Variants in ARHGEF1 observed in about 807,000 individuals in gnomAD.
ARHGEF1 encodes 115 kDa guanine nucleotide exchange factor.
Under a neutral mutation model 119.7 loss-of-function variants are expected in ARHGEF1, and 40 were observed. The ratio of observed to expected loss-of-function variants is 0.33; its 90% CI spans 0.26 to 0.44. The LOEUF is 0.44. ARHGEF1 is among the 20% of genes least tolerant of loss of function. The probability of loss-of-function intolerance (pLI) is 1.00; values close to 1 mark genes in which losing one functional copy is unlikely to be tolerated. For missense variants in ARHGEF1, 976 were observed against 1,268.3 expected (o/e 0.77, Z 3.50); for synonymous variants, 494 against 521.0 (o/e 0.95, Z 0.71).
At chr19:41,923,981 T>G (rs1599681157) in intron 1 of ARHGEF1, among the ~76,000 whole-genome samples, 1 of 38,750 alleles carries the variant, frequency 2.6e-5, no homozygotes. Flanking sequence ...AGGGGTGCGC[T>G]GGGAGGGGGC....
intron 18 of ARHGEF1, among the ~76,000 whole-genome samples, chr19:41,915,403 C>T (rs573621842): frequency 2.0e-4 from 30 of 151,840 alleles, no homozygotes; most frequent in Admixed American, 1.2e-3. Flanking sequence ...TGTCCCCGTC[C>T]GTCTGTCCGT....
chr19:41,902,311 G>C lies in ARHGEF1; in HGVS notation c.1452G>C (p.Glu484Asp). ...ATCGCCTGATGAAGCGGAGGCAGGA[G>C]AGTGGCTACCTCATCGAGGAGATCG... ...FLDRLMKRRQ[E>D]SGYLIEEIGD... The change falls in exon 16 of 29, where the codon GAG becomes GAC. Residue 484 changes from glutamate (E) to aspartate (D), a missense_variant. Transcript: ENST00000354532. This position sits in a 1 kb window ranked among gnomAD's most constrained non-coding sequence, Gnocchi z 6.5. 1 of 1,614,164 alleles carries C rather than the reference G, an allele frequency of 6.2e-7. No individual in the cohort carries two copies. The highest frequency in any genetic ancestry group is 8.5e-7 in the Non-Finnish European group (1 of 1,180,036).
intron 1 of ARHGEF1, among the ~76,000 whole-genome samples, chr19:41,887,422 C>T (rs1330436092): frequency 2.6e-5 from 4 of 152,068 alleles, no homozygotes; most frequent in African/African-American, 4.8e-5. Flanking sequence ...GTTTCTGGGA[C>T]TGGAAGCCTG....
In ARHGEF1 at chr19:41,905,538, T is replaced by C. The variant is rs188056873; in HGVS notation, c.2337-222T>C. 4.9e-6 allele frequency: 3 copies of C among 614,476 alleles called. No individual in the cohort carries two copies. In the Admixed American group the frequency reaches 8.8e-5, roughly 18 times the overall value. The allele number at this position is 614,476 out of a possible 1,614,324, so 38.1% of individuals were successfully genotyped here. On this transcript the variant is annotated intron_variant, in intron 24 of 28. Transcript: ENST00000354532. The surrounding 1 kb of genome is among the most constrained non-coding windows in gnomAD (Gnocchi z 6.4). ...GACAGCATGTGCATGCATGTGTGTG[T>C]GTGTGCGCATGTGCCGACCCCACCA...
Position 41,888,976 on chromosome 19 carries a change from G to C in ARHGEF1, c.225+111G>C, listed in dbSNP as rs1220291096. ...TGGAGGGTCTGGAAAAGCAGATCTA[G>C]AACACAGAGAGCCAGATCTAGAAAG... On this transcript the variant is annotated intron_variant, in intron 4 of 28. Transcript: ENST00000354532. This position sits in a 1 kb window ranked among gnomAD's most constrained non-coding sequence, Gnocchi z 5.1. 2 of 855,766 alleles carry C rather than the reference G, an allele frequency of 2.3e-6. No individual in the cohort carries two copies. The highest frequency in any genetic ancestry group is 3.6e-6 in the Non-Finnish European group (2 of 556,736). The allele number at this position is 855,766 out of a possible 1,614,324, so 53.0% of individuals were successfully genotyped here.
intron 18 of ARHGEF1, among the ~76,000 whole-genome samples, chr19:41,914,043 G>A (rs2074770968): frequency 7.5e-6 from 1 of 133,740 alleles, no homozygotes; most frequent in African/African-American, 2.9e-5. Context: ...CTCAGACCCT[G>A]GCAGCCCACA....
rs781915468 is a variant in ARHGEF1 at position 41,899,842 on chromosome 19, G to A, written c.1267+1255G>A. ...AAGCTTATTTACAGATTACTTCATAGTGAAAAAGATACTTATTCAAAAATT... is the reference window on the plus strand; with the variant it reads ...AAGCTTATTTACAGATTACTTCATAATGAAAAAGATACTTATTCAAAAATT... On this transcript the variant is annotated intron_variant, in intron 14 of 28. Transcript: ENST00000354532. Among the ~76,000 whole-genome samples the A allele has an allele frequency of 2.0e-5, 3 of 151,436 alleles. No homozygotes were observed. In the South Asian group the frequency reaches 6.3e-4, roughly 32 times the overall value.
chr19:41,888,161 T>C lies in ARHGEF1; in HGVS notation c.25-31T>C. ...CTCTGGGGCTGTGGGTGGAGAGTCC[T>C]GTGGACTGAAGCTGCCCTCCCTTTC... On this transcript the variant is annotated intron_variant, in intron 2 of 28. Coordinates refer to ENST00000354532, the MANE Select transcript of ARHGEF1 (RefSeq NM_004706.4). The surrounding 1 kb of genome is among the most constrained non-coding windows in gnomAD (Gnocchi z 5.1). 1 of 1,613,998 alleles carries C rather than the reference T, an allele frequency of 6.2e-7. No individual in the cohort carries two copies. The highest frequency in any genetic ancestry group is 8.5e-7 in the Non-Finnish European group (1 of 1,179,916).
chr19:41,903,869 C>T lies in ARHGEF1; in HGVS notation c.1917+85C>T, dbSNP rs2074646006. ...GATACAGCCCCCAGCCTGTCCTGCC[C>T]ATCCCATAATACACCCAGGAAGCGA... is the stretch of plus-strand genomic sequence containing the variant. On this transcript the variant is annotated intron_variant, in intron 20 of 28. Coordinates refer to ENST00000354532, the MANE Select transcript of ARHGEF1 (RefSeq NM_004706.4). This position sits in a 1 kb window ranked among gnomAD's most constrained non-coding sequence, Gnocchi z 4.2. The T allele has an allele frequency of 6.8e-7, 1 of 1,467,730 alleles. No homozygotes were observed. The highest frequency in any genetic ancestry group is 9.5e-7 in the Non-Finnish European group (1 of 1,052,460). The allele number at this position is 1,467,730 out of a possible 1,614,324, so 90.9% of individuals were successfully genotyped here. A position where few individuals can be genotyped will look rare whatever the true frequency, so the allele number is the denominator to read the frequency against.
chr19:41,907,242 G>C lies in ARHGEF1; in HGVS notation c.*155G>C, dbSNP rs1298013038. 6.6e-7 allele frequency: 1 copy of C among 1,521,276 alleles called. No homozygotes were observed. 94.2% of individuals were successfully genotyped at this position (1,521,276 alleles called of 1,614,324 possible). A position where few individuals can be genotyped will look rare whatever the true frequency, so the allele number is the denominator to read the frequency against. Reference sequence around the variant, plus strand: ...CACGCCTGGGAGGGGCCCAGCTGGGGTTACTGGCCCCGCATGAGCCTCGGC... The same window carrying C: ...CACGCCTGGGAGGGGCCCAGCTGGGCTTACTGGCCCCGCATGAGCCTCGGC... On this transcript the variant is annotated 3_prime_UTR_variant, in exon 29 of 29. Transcript: ENST00000354532.
At chr19:41,896,352 C>CGTATCATTAAAAA in intron 12 of ARHGEF1, 25 bp from the exon 13 acceptor site, 3 of 1,275,352 alleles carry the variant, frequency 2.4e-6, no homozygotes, top group South Asian at 2.7e-5. Flanking sequence ...GCCTTCCAGC[C>CGTATCATTAAAAA]AGCCCTGCTC....
rs1555845756 is a variant in ARHGEF1 at position 41,888,910 on chromosome 19, C to T, written c.225+45C>T. ...GGCACAGGGAGGGGTGGGGCTGGGA[C>T]AGGCACAGCTTTTAGCGAATTAAAC... On this transcript the variant is annotated intron_variant, in intron 4 of 28. Transcript: ENST00000354532. This position sits in a 1 kb window ranked among gnomAD's most constrained non-coding sequence, Gnocchi z 5.1. 2.0e-6 allele frequency: 3 copies of T among 1,531,798 alleles called. No homozygotes were observed. In the East Asian group the frequency reaches 6.9e-5, roughly 35 times the overall value. The allele number at this position is 1,531,798 out of a possible 1,614,324, so 94.9% of individuals were successfully genotyped here. A position where few individuals can be genotyped will look rare whatever the true frequency, so the allele number is the denominator to read the frequency against.
chr19:41,905,901 C>T lies in ARHGEF1; in HGVS notation c.2405-38C>T, dbSNP rs199560061. The stretch of plus-strand genomic sequence containing the variant: ...TGAAGAGAGGCATCCACAGGAGGCC[C>T]GGCAGGATCTGAGCTCCCTCTCTGT... On this transcript the variant is annotated intron_variant, in intron 25 of 28. Coordinates refer to ENST00000354532, the MANE Select transcript of ARHGEF1 (RefSeq NM_004706.4). The surrounding 1 kb of genome is among the most constrained non-coding windows in gnomAD (Gnocchi z 6.4). 65 of 1,613,288 alleles carry T rather than the reference C, an allele frequency of 4.0e-5. No individual in the cohort carries two copies. Among genetic ancestry groups the T allele is most frequent in the Non-Finnish European group, 4.7e-5 (55 of 1,179,336 alleles).
At position 41,906,891 on chromosome 19, in the gene ARHGEF1, C is replaced by A; in HGVS notation, c.*17+88C>A. On this transcript the variant is annotated intron_variant, in intron 28 of 28. Transcript: ENST00000354532. This position sits in a 1 kb window ranked among gnomAD's most constrained non-coding sequence, Gnocchi z 4.5. The stretch of plus-strand genomic sequence containing the variant: ...CATCCCTACAGCCCCTTCTGTCCAT[C>A]TCCCTCTTTGTCTTTTCTGAATCTC... 1 of 1,096,976 alleles carries A rather than the reference C, an allele frequency of 9.1e-7. No individual in the cohort carries two copies. The highest frequency in any genetic ancestry group is 1.3e-6 in the Non-Finnish European group (1 of 775,160). 68.0% of individuals were successfully genotyped at this position (1,096,976 alleles called of 1,614,324 possible). A position where few individuals can be genotyped will look rare whatever the true frequency, so the allele number is the denominator to read the frequency against.
At chr19:41,901,473 G>A (rs1237596211) in intron 14 of ARHGEF1, among the ~76,000 whole-genome samples, 7 of 152,020 alleles carry the variant, frequency 4.6e-5, no homozygotes, top group South Asian at 2.1e-4. Context: ...ACAAGGTCTC[G>A]CTCTGTTGCT....
At chr19:41,908,505 A>C (rs1302355607), downstream of ARHGEF1, 1 of 1,231,542 alleles carries the variant, frequency 8.1e-7, no homozygotes, top group African/African-American at 1.6e-5. The surrounding 1 kb of genome is among the most constrained non-coding windows in gnomAD (Gnocchi z 6.7). Context: ...TGACGAGGGC[A>C]GGTGGCCCAG....
rs1363852311 is a variant in ARHGEF1 at position 41,891,520 on chromosome 19, G to A, written c.226-505G>A. Among the ~76,000 whole-genome samples the A allele has an allele frequency of 4.6e-5, 7 of 152,182 alleles. No individual in the cohort carries two copies. In the South Asian group the frequency reaches 6.2e-4, roughly 13 times the overall value. Reference sequence around the variant, plus strand: ...GCCGGTCACAAATTCCTGACCTCATGTGATCCACCTGCCTTGGCCTCCCAA... The same window carrying A: ...GCCGGTCACAAATTCCTGACCTCATATGATCCACCTGCCTTGGCCTCCCAA... On this transcript the variant is annotated intron_variant, in intron 4 of 28. Transcript: ENST00000354532.
chr19:41,919,446 G>C (rs1555852234), upstream of ARHGEF1, among the ~76,000 whole-genome samples: 2 of 151,950 alleles, frequency 1.3e-5, no homozygotes, highest in Admixed American at 6.5e-5. Flanking sequence ...CAATTGTTAT[G>C]AACCAACACT....
chr19:41,917,443 C>T lies in ARHGEF1; in HGVS notation c.1866-5649C>T, dbSNP rs576226919. On this transcript the variant is annotated intron_variant, in intron 18 of 20. Coordinates refer to the ARHGEF1 transcript ENST00000599589. The surrounding 1 kb of genome is among the most constrained non-coding windows in gnomAD (Gnocchi z 4.8). ...TCGGGAGCCGCCTCGGGCCTCGCAC[C>T]CCCACCACCAGCCCCTTCATCCCTC... 6.6e-6 allele frequency among the ~76,000 whole-genome samples: 1 copy of T among 152,014 alleles called. No homozygotes were observed. Among genetic ancestry groups the T allele is most frequent in the South Asian group, 2.1e-4 (1 of 4,816 alleles).
Sources: gnomAD v4.1 joint callset for allele counts (sites outside exome capture counted in the v4.1 genomes callset) on GRCh38, gnomAD v4.1.1 for gene constraint, Gnocchi (gnomAD v3.1) non-coding constraint, MANE v1.5 for transcripts, NCBI Gene and HGNC (gene_info 2026-07-23, HGNC 2026-07-21) for gene names.